The following UNC80 variants were observed in gnomAD, a reference collection of about 807,000 sequenced individuals.
The protein encoded by UNC80 is protein unc-80 homolog.
A neutral mutation model predicts 384.6 loss-of-function variants in UNC80; 164 were observed. That is an observed-to-expected ratio of 0.43 (90% CI 0.38 to 0.49). The LOEUF is 0.49. UNC80 is among the 20% of genes least tolerant of loss of function. The pLI is 0.00. For missense variants in UNC80, 3,330 were observed against 4,143.0 expected, an observed-to-expected ratio of 0.80 and a Z score of 5.39; for synonymous variants, 1,486 against 1,527.8, an observed-to-expected ratio of 0.97 and a Z score of 0.64.
intron 7 of UNC80, among the ~76,000 whole-genome samples, chr2:209,813,227 A>G (rs2079490848): frequency 6.6e-6 from 1 of 152,116 alleles, no homozygotes; most frequent in East Asian, 1.9e-4. Context: ...CACCCAAATT[A>G]CTCACCAATT....
chr2:209,827,247 C>T (rs2080599774), intron 14 of UNC80, among the ~76,000 whole-genome samples: 1 of 152,026 alleles, frequency 6.6e-6, no homozygotes, highest in African/African-American at 2.4e-5. Context: ...AATTGTATTA[C>T]AGTATGAATA....
rs149410593 is a variant in UNC80, at chr2:209,832,654, C to T, written c.2775+1063C>T. ...AGCCAACCCAGCAATTTTCTTGGAG[C>T]TTGAGTGTAGCACAGGTACCATCCA... is the stretch of plus-strand genomic sequence containing the variant. On this transcript the variant is annotated intron_variant, in intron 16 of 64. Transcript: ENST00000673920. Among the ~76,000 whole-genome samples the T allele has an allele frequency of 2.6e-5, 4 of 152,290 alleles. No individual in the cohort carries two copies. In the East Asian group the frequency reaches 5.8e-4, roughly 22 times the overall value.
chr2:209,806,161 A>C (rs2078883400), intron 7 of UNC80, among the ~76,000 whole-genome samples: 1 of 152,242 alleles, frequency 6.6e-6, no homozygotes, highest in African/African-American at 2.4e-5. Context: ...TCCTGAGGTC[A>C]TAAAAATATT....
At chr2:209,935,829 A>G (rs1348036886) in intron 40 of UNC80, 21 bp downstream of exon 40, 2 of 1,482,160 alleles carry the variant, frequency 1.3e-6, no homozygotes. Flanking sequence ...CTTTTAACAG[A>G]AACAATTTTT....
chr2:209,936,650 G>A (rs2091265787), intron 40 of UNC80, among the ~76,000 whole-genome samples, 194 bp from the exon 41 acceptor site: 2 of 151,718 alleles, frequency 1.3e-5, no homozygotes, highest in South Asian at 4.1e-4. Context: ...ATATATATAT[G>A]TGTGTGTGTA....
rs1288546702 is a variant in UNC80, at chr2:209,957,864, G to A, written c.7550+128G>A. ...GTGAAAACCTCCAAGGAAAAGAAAA[G>A]AAGGTGAGAGTTTAGAGTTACAAGA... On this transcript the variant is annotated intron_variant, in intron 49 of 64. Transcript: ENST00000673920. 6.1e-6 allele frequency: 5 copies of A among 817,350 alleles called. No homozygotes were observed. In the Admixed American group the frequency reaches 1.5e-4, roughly 25 times the overall value. 50.6% of individuals were successfully genotyped at this position (817,350 alleles called of 1,614,324 possible).
intron 35 of UNC80, among the ~76,000 whole-genome samples, chr2:209,922,609 T>C (rs2090126048): frequency 6.6e-6 from 1 of 152,184 alleles, no homozygotes; most frequent in African/African-American, 2.4e-5. Flanking sequence ...TTGCATGTAA[T>C]CATATTGCTG....
rs778682869 is a variant in UNC80, at chr2:209,967,399, T to C, written c.7806-38T>C. Reference sequence around the variant, plus strand: ...AATTCCTGTTGTGTAATTCTAAGCTTATACTTTAAAATATATATACATATA... The same window carrying C: ...AATTCCTGTTGTGTAATTCTAAGCTCATACTTTAAAATATATATACATATA... On this transcript the variant is annotated intron_variant, in intron 51 of 64. Transcript: ENST00000673920. 30 of 1,377,980 alleles carry C rather than the reference T, an allele frequency of 2.2e-5. No homozygotes were observed. The East Asian group carries it at 6.1e-4, about 28-fold the overall frequency. 85.4% of individuals were successfully genotyped at this position (1,377,980 alleles called of 1,614,324 possible). A position where few individuals can be genotyped will look rare whatever the true frequency, so the allele number is the denominator to read the frequency against.
intron 25 of UNC80, among the ~76,000 whole-genome samples, chr2:209,881,418 G>C (rs981692234): frequency 6.6e-6 from 1 of 152,046 alleles, no homozygotes; most frequent in South Asian, 2.1e-4. Flanking sequence ...TATGGCTAAT[G>C]TTTTCCAGAA....
At chr2:209,925,202 C>T (rs961274617) in intron 35 of UNC80, among the ~76,000 whole-genome samples, 5 of 151,900 alleles carry the variant, frequency 3.3e-5, no homozygotes, top group Non-Finnish European at 5.9e-5. Flanking sequence ...ATTGCTTTTA[C>T]GGAAGAACAG....
intron 22 of UNC80, among the ~76,000 whole-genome samples, chr2:209,856,603 TTTTC>T (rs1390554417): frequency 1.3e-5 from 2 of 152,084 alleles, no homozygotes; most frequent in Non-Finnish European, 2.9e-5. Context: ...TAGGAATTCA[TTTTC>T]TTTATTTTCT....
intron 23 of UNC80, among the ~76,000 whole-genome samples, chr2:209,873,511 G>A (rs549812051): frequency 5.9e-5 from 9 of 152,256 alleles, no homozygotes; most frequent in Middle Eastern, 3.4e-3. Context: ...GTATGCATAT[G>A]AGTAAGTGAA....
chr2:209,894,681 A>G (rs1274626842), intron 27 of UNC80, among the ~76,000 whole-genome samples: 1 of 152,188 alleles, frequency 6.6e-6, no homozygotes, highest in Non-Finnish European at 1.5e-5. Flanking sequence ...CAAGGACGAC[A>G]CTTTGAGCAG....
At chr2:209,904,049 T>C (rs934377767) in intron 28 of UNC80, among the ~76,000 whole-genome samples, 3 of 152,170 alleles carry the variant, frequency 2.0e-5, no homozygotes, top group African/African-American at 7.2e-5. Context: ...CCTTAAGAAG[T>C]TCCAAATGCA....
chr2:209,786,429 G>A (rs1173563762), intron 5 of UNC80, among the ~76,000 whole-genome samples: 3 of 152,124 alleles, frequency 2.0e-5, no homozygotes, highest in Non-Finnish European at 4.4e-5. Context: ...TGTAAACTGG[G>A]AATTTAAATA....
In UNC80 at chr2:209,969,761, A is replaced by T; in HGVS notation, c.8007-7A>T. ...AAGACGCTAATGGCGCCTATATTGT[A>T]TTCCAGGCGACAGGTTGAGTGGGAG... On this transcript the variant is annotated splice_region_variant and splice_polypyrimidine_tract_variant and intron_variant, in intron 52 of 64. Coordinates refer to ENST00000673920, the MANE Select transcript of UNC80 (RefSeq NM_001371986.1). The T allele has an allele frequency of 6.4e-7, 1 of 1,551,634 alleles. No homozygotes were observed. The highest frequency in any genetic ancestry group is 8.7e-7 in the Non-Finnish European group (1 of 1,146,934).
At chr2:209,794,477 G>A (rs2078030669) in intron 7 of UNC80, among the ~76,000 whole-genome samples, 1 of 152,118 alleles carries the variant, frequency 6.6e-6, no homozygotes, top group African/African-American at 2.4e-5. Context: ...TTATAGCCTA[G>A]TAATACATAG....
intron 60 of UNC80, among the ~76,000 whole-genome samples, chr2:209,984,577 G>A (rs1415646282): frequency 6.6e-6 from 1 of 152,104 alleles, no homozygotes; most frequent in East Asian, 1.9e-4. Flanking sequence ...AGAGCCTATG[G>A]GCCCATTCGG....
intron 18 of UNC80, among the ~76,000 whole-genome samples, chr2:209,837,870 C>T: frequency 6.6e-6 from 1 of 151,520 alleles, no homozygotes; most frequent in Non-Finnish European, 1.5e-5. Context: ...CTCCTGGGTT[C>T]ACACCATTCT....
Sources: gnomAD v4.1 joint callset for allele counts (sites outside exome capture counted in the v4.1 genomes callset) on GRCh38, gnomAD v4.1.1 for gene constraint, MANE v1.5 for transcripts, NCBI Gene and HGNC (gene_info 2026-07-23, HGNC 2026-07-21) for gene names.